The following TMC6 variants were observed in gnomAD, a reference collection of about 807,000 sequenced individuals.
TMC6 encodes the protein transmembrane channel-like protein 6.
In TMC6, 71 loss-of-function variants were observed where a neutral mutation model predicts 95.4. The observed-to-expected ratio is 0.74, with a 90% CI of 0.61 to 0.91. The LOEUF (loss-of-function observed/expected upper bound fraction) is 0.91, where lower values mean the gene tolerates loss of function less well. Ranked by LOEUF, TMC6 falls within the 40% of genes least tolerant of loss-of-function variation. The pLI is 0.00. For synonymous variants in TMC6, 514 were observed against 483.1 expected, an observed-to-expected ratio of 1.06 and a Z score of -0.84; for missense variants, 1,074 against 1,079.1, an observed-to-expected ratio of 1.00 and a Z score of 0.07.
rs2074413531 is a variant in TMC6, at chr17:78,121,534, C to T, written c.1383+22G>A. ...CTGGGGACACGTTCCAAGCAAGGGCCAGGCTCCCCCCATCCCCGCACCTGG... is the reference window on the plus strand; with the variant it reads ...CTGGGGACACGTTCCAAGCAAGGGCTAGGCTCCCCCCATCCCCGCACCTGG... On this transcript the variant is annotated intron_variant, in intron 11 of 19. Coordinates refer to ENST00000590602, the MANE Select transcript of TMC6 (RefSeq NM_001127198.5). This position sits in a 1 kb window ranked among gnomAD's most constrained non-coding sequence, Gnocchi z 5.6. The T allele has an allele frequency of 6.2e-7, 1 of 1,610,772 alleles. No individual in the cohort carries two copies. The highest frequency in any genetic ancestry group is 8.5e-7 in the Non-Finnish European group (1 of 1,179,648).
In TMC6 at chr17:78,112,713, T is replaced by C. The variant is rs962581474; in HGVS notation, c.*435A>G. 2.4e-5 allele frequency: 6 copies of C among 246,772 alleles called. No homozygotes were observed. The highest frequency in any genetic ancestry group is 1.5e-4 in the Admixed American group (3 of 19,566). 15.3% of individuals were successfully genotyped at this position (246,772 alleles called of 1,614,324 possible). The stretch of plus-strand genomic sequence containing the variant: ...CACTTGTGCAGGTGTAAGCCCCTCC[T>C]GGGCGCGAGTTCAGGCTGGTCAAAG... On this transcript the variant is annotated 3_prime_UTR_variant, in exon 20 of 20. Transcript: ENST00000590602.
intron 18 of TMC6, among the ~76,000 whole-genome samples, chr17:78,115,045 A>G (rs1383812476): frequency 6.6e-6 from 1 of 152,232 alleles, no homozygotes; most frequent in South Asian, 2.1e-4. Context: ...TCCAATATCT[A>G]CAGCCAGACA....
chr17:78,129,361 G>A (rs1047906897), upstream of TMC6, among the ~76,000 whole-genome samples: 2 of 152,200 alleles, frequency 1.3e-5, no homozygotes, highest in East Asian at 1.9e-4. The surrounding 1 kb of genome is among the most constrained non-coding windows in gnomAD (Gnocchi z 4.3). Context: ...CATGAGCCAG[G>A]AAGGTATGCA....
rs371196010 is a variant in TMC6 at position 78,109,111 on chromosome 17, TTTG to T, written c.*4034_*4036del. 118 of 261,608 alleles carry T rather than the reference TTTG, an allele frequency of 4.5e-4. No homozygotes were observed. Among genetic ancestry groups the T allele is most frequent in the South Asian group, 1.2e-3 (29 of 25,184 alleles). 16.2% of individuals were successfully genotyped at this position (261,608 alleles called of 1,614,324 possible). On this transcript the variant is annotated 3_prime_UTR_variant, in exon 20 of 20. Transcript: ENST00000590602. ...ACAGGCATGAGCCAGGTGCCCAGCCTTTGTTGTTGTTGTTGTTGCTGCTATTTT... is the reference window on the plus strand; with the variant it reads ...ACAGGCATGAGCCAGGTGCCCAGCCTTTGTTGTTGTTGTTGCTGCTATTTT...
chr17:78,126,409 T>A (rs1442402841), intron 3 of TMC6, 43 bp from the exon 4 acceptor site: 20 of 1,603,314 alleles, frequency 1.2e-5, no homozygotes, highest in Non-Finnish European at 1.5e-5. Flanking sequence ...GGAGATGCCA[T>A]TGGCCACAGT....
upstream of TMC6, among the ~76,000 whole-genome samples, chr17:78,129,931 C>G (rs893591899): frequency 5.3e-5 from 8 of 152,122 alleles, no homozygotes; most frequent in African/African-American, 1.9e-4. This position sits in a 1 kb window ranked among gnomAD's most constrained non-coding sequence, Gnocchi z 4.3. Flanking sequence ...ACTGTGTGCC[C>G]AGCACCAGCA....
At chr17:78,117,371 A>C in intron 17 of TMC6, 24 bp from the exon 18 acceptor site, 1 of 1,612,816 alleles carries the variant, frequency 6.2e-7, no homozygotes, top group Admixed American at 1.7e-5. Context: ...GCTGTCGGGC[A>C]GGGCCCAGGG....
chr17:78,120,947 C>T (rs1218234584), intron 12 of TMC6, 66 bp downstream of exon 12: 1 of 1,612,528 alleles, frequency 6.2e-7, no homozygotes, highest in East Asian at 2.2e-5. Context: ...GGTTTGGATA[C>T]ACCCGGAGCT....
Position 78,119,283 on chromosome 17 carries a change from C to T in TMC6, c.1811+14G>A. ...GAGGGGCCAGACAGTAGGAGGCAAG[C>T]AGAGGACCCTCACCAGGTCAGAGTC... On this transcript the variant is annotated intron_variant, in intron 14 of 19. Coordinates refer to ENST00000590602, the MANE Select transcript of TMC6 (RefSeq NM_001127198.5). 6.2e-7 allele frequency: 1 copy of T among 1,613,816 alleles called. No homozygotes were observed. Among genetic ancestry groups the T allele is most frequent in the Non-Finnish European group, 8.5e-7 (1 of 1,179,934 alleles).
Position 78,110,741 on chromosome 17 carries a change from A to C in TMC6, c.*2407T>G, listed in dbSNP as rs961474919. On this transcript the variant is annotated 3_prime_UTR_variant, in exon 20 of 20. Transcript: ENST00000590602. ...AAACATGGCCTCCTTGCAACACCTC[A>C]AATGGGTGCCAGGCATGGTACGCAG... The C allele has an allele frequency of 6.6e-6, 1 of 152,238 alleles. No homozygotes were observed. Among genetic ancestry groups the C allele is most frequent in the East Asian group, 1.9e-4 (1 of 5,198 alleles). 9.4% of individuals were successfully genotyped at this position (152,238 alleles called of 1,614,324 possible).
chr17:78,122,817 G>T lies in TMC6; in HGVS notation c.1083-68C>A. 3.2e-6 allele frequency: 5 copies of T among 1,565,900 alleles called. No homozygotes were observed. The highest frequency in any genetic ancestry group is 4.3e-6 in the Non-Finnish European group (5 of 1,162,142). ...GGGCAGAGGCCAAGGGGAGAAGGCAGACCGGATGCTCTGGGCAGCCAGACC... is the reference window on the plus strand; with the variant it reads ...GGGCAGAGGCCAAGGGGAGAAGGCATACCGGATGCTCTGGGCAGCCAGACC... On this transcript the variant is annotated intron_variant, in intron 9 of 19. Transcript: ENST00000590602. The surrounding 1 kb of genome is among the most constrained non-coding windows in gnomAD (Gnocchi z 4.9).
chr17:78,125,710 G>T lies in TMC6; in HGVS notation c.430+16C>A, dbSNP rs1272217600. The T allele has an allele frequency of 7.1e-6, 11 of 1,559,592 alleles. No individual in the cohort carries two copies. The highest frequency in any genetic ancestry group is 9.5e-6 in the Non-Finnish European group (11 of 1,152,454). The stretch of plus-strand genomic sequence containing the variant: ...GCCGGTGTCCGCCACTGGGGCTCCA[G>T]TGCCCACTCACTCACCCTCCTCCTC... On this transcript the variant is annotated intron_variant, in intron 5 of 19. Coordinates refer to ENST00000590602, the MANE Select transcript of TMC6 (RefSeq NM_001127198.5).
upstream of TMC6, chr17:78,131,806 G>A (rs903524778): frequency 8.6e-6 from 13 of 1,520,154 alleles, no homozygotes; most frequent in Non-Finnish European, 1.1e-5. Context: ...CGGATGGTGT[G>A]GGAGCACCCC....
In TMC6 at chr17:78,125,141, G is replaced by C. The variant is rs2074639602; in HGVS notation, c.536+17C>G. 1 of 1,554,296 alleles carries C rather than the reference G, an allele frequency of 6.4e-7. No individual in the cohort carries two copies. The highest frequency in any genetic ancestry group is 1.9e-5 in the Admixed American group (1 of 51,424). ...GGGCGCAGCAGCGGCGGCATGGTCA[G>C]GGTCGGGGCTGCTCACCGCAGGCTG... On this transcript the variant is annotated intron_variant, in intron 6 of 19. Transcript: ENST00000590602.
In TMC6 at chr17:78,118,039, G is replaced by C. The variant is rs181348425; in HGVS notation, c.1888-104C>G. The C allele has an allele frequency of 2.6e-6, 4 of 1,532,870 alleles. No homozygotes were observed. The African/African-American group carries it at 4.1e-5, about 16-fold the overall frequency. The allele number at this position is 1,532,870 out of a possible 1,614,324, so 95.0% of individuals were successfully genotyped here. On this transcript the variant is annotated intron_variant, in intron 15 of 19. Transcript: ENST00000590602. Reference sequence around the variant, plus strand: ...AAGGGCGACCAGGGCTGTGCGTCCAGGCAGAGCCTGGACCCTGCTCCCTGC... The same window carrying C: ...AAGGGCGACCAGGGCTGTGCGTCCACGCAGAGCCTGGACCCTGCTCCCTGC...
intron 13 of TMC6, chr17:78,119,911 G>C (rs2074323854): frequency 3.0e-6 from 1 of 332,644 alleles, no homozygotes; most frequent in African/African-American, 2.2e-5. Context: ...GCCTCCCAAA[G>C]TGCTGGGATT....
chr17:78,113,890 C>G (rs987695493), intron 18 of TMC6: 2 of 485,866 alleles, frequency 4.1e-6, no homozygotes, highest in Non-Finnish European at 7.5e-6. Flanking sequence ...CAGCCTGACT[C>G]AATTTAAAAC....
At chr17:78,130,917 C>G (rs1568010161), upstream of TMC6, 1 of 158,936 alleles carries the variant, frequency 6.3e-6, no homozygotes, top group Non-Finnish European at 1.4e-5. Flanking sequence ...AGCTAGAGCC[C>G]TGCAAGGGTA....
chr17:78,125,375 C>T (rs896060292), intron 5 of TMC6, 112 bp from the exon 6 acceptor site: 38 of 977,504 alleles, frequency 3.9e-5, no homozygotes, highest in Non-Finnish European at 5.2e-5. Context: ...CGAGACACCT[C>T]GGTGCCCTTA....
Sources: gnomAD v4.1 joint callset for allele counts (sites outside exome capture counted in the v4.1 genomes callset) on GRCh38, gnomAD v4.1.1 for gene constraint, Gnocchi (gnomAD v3.1) non-coding constraint, MANE v1.5 for transcripts, NCBI Gene and HGNC (gene_info 2026-07-23, HGNC 2026-07-21) for gene names.